HDAC9: variants seen among roughly 807,000 people sequenced by gnomAD.
HDAC9 encodes the protein MEF-2 interacting transcription repressor (MITR) protein.
In HDAC9, 41 loss-of-function variants were observed where a neutral mutation model predicts 139.4. The observed-to-expected ratio is 0.29, with a 90% CI of 0.23 to 0.38. The LOEUF is 0.38. Ranked by LOEUF, HDAC9 falls within the 10% of genes least tolerant of loss-of-function variation. The pLI is 1.00. For synonymous variants in HDAC9, 517 were observed against 476.2 expected, an observed-to-expected ratio of 1.09 and a Z score of -1.12; for missense variants, 1,147 against 1,297.0, an observed-to-expected ratio of 0.88 and a Z score of 1.78.
rs1258215733 is a variant in HDAC9, at chr7:18,617,675, T to C, written c.665-11675T>C. On this transcript the variant is annotated intron_variant, in intron 6 of 25. Transcript: ENST00000686413. ...TGTGCATATATCTCTATATTAAAAT[T>C]ACATTCTACTCAGTTGAGGAATCCT... Among the ~76,000 whole-genome samples, 3 of 152,162 alleles carry C rather than the reference T, an allele frequency of 2.0e-5. No individual in the cohort carries two copies. The East Asian group carries it at 5.8e-4, about 29-fold the overall frequency.
chr7:18,540,103 CAAAA>C (rs34620445), intron 2 of HDAC9, among the ~76,000 whole-genome samples: 62 of 58,436 alleles, frequency 1.1e-3, no homozygotes, highest in African/African-American at 3.9e-3. Context: ...ACTAAAAATA[CAAAA>C]AAAAAAAAAA....
intron 25 of HDAC9, among the ~76,000 whole-genome samples, chr7:18,987,662 C>G (rs1167405900): frequency 6.6e-6 from 1 of 152,044 alleles, no homozygotes; most frequent in South Asian, 2.1e-4. Context: ...CTCCTTGTAC[C>G]TCTGGTAGAA....
At chr7:18,809,134 C>T (rs1032098074) in intron 17 of HDAC9, among the ~76,000 whole-genome samples, 105 of 151,952 alleles carry the variant, frequency 6.9e-4, no homozygotes, top group African/African-American at 2.4e-3. Context: ...ACTGGATATC[C>T]ACATGGAATA....
chr7:18,760,670 C>T lies in HDAC9; in HGVS notation c.2044-1487C>T, dbSNP rs1055898895. Among the ~76,000 whole-genome samples the T allele has an allele frequency of 7.2e-5, 11 of 152,310 alleles. No homozygotes were observed. In the East Asian group the frequency reaches 9.6e-4, roughly 13 times the overall value. On this transcript the variant is annotated intron_variant, in intron 14 of 25. Transcript: ENST00000686413. ...TAAGTATTCATGAGTTTGTTCAGCA[C>T]GTCAAGGCAGTGTTAATGAGATTTT...
intron 12 of HDAC9, among the ~76,000 whole-genome samples, chr7:18,713,830 T>C (rs1031403060): frequency 2.6e-5 from 4 of 152,116 alleles, no homozygotes; most frequent in African/African-American, 9.7e-5. Flanking sequence ...GCATTGGTGA[T>C]GGATATCAGA....
chr7:18,378,382 T>C (rs1017207482), intron 1 of HDAC9, among the ~76,000 whole-genome samples: 4 of 152,010 alleles, frequency 2.6e-5, no homozygotes, highest in Non-Finnish European at 4.4e-5. Flanking sequence ...ATAAATTATA[T>C]AAAAAACTTT....
intron 22 of HDAC9, among the ~76,000 whole-genome samples, chr7:18,890,181 TATTA>T (rs1451491802): frequency 1.3e-5 from 2 of 152,228 alleles, no homozygotes; most frequent in Non-Finnish European, 2.9e-5. Context: ...TGTTAGCCAA[TATTA>T]GATAGTCTTA....
intron 1 of HDAC9, among the ~76,000 whole-genome samples, chr7:18,340,556 G>A (rs145318540): frequency 2.5e-3 from 372 of 151,366 alleles, no homozygotes; most frequent in African/African-American, 8.7e-3. Flanking sequence ...TGTTACTTCA[G>A]GATTTATAGT....
chr7:18,494,292 G>A (rs757375468), upstream of HDAC9, among the ~76,000 whole-genome samples: 29 of 152,018 alleles, frequency 1.9e-4, no homozygotes, highest in African/African-American at 7.0e-4. Context: ...TTTGATGAAT[G>A]ATTTAACGTG....
At chr7:18,474,595 C>G (rs1408927801) in intron 1 of HDAC9, among the ~76,000 whole-genome samples, 1 of 152,096 alleles carries the variant, frequency 6.6e-6, no homozygotes, top group East Asian at 1.9e-4. Flanking sequence ...ATTTTATGTT[C>G]TCAGAGCATT....
At chr7:18,685,177 C>T (rs932029137) in intron 12 of HDAC9, among the ~76,000 whole-genome samples, 1 of 152,010 alleles carries the variant, frequency 6.6e-6, no homozygotes, top group African/African-American at 2.4e-5. Context: ...AACAGCAGTT[C>T]TCTAGCTATG....
intron 2 of HDAC9, among the ~76,000 whole-genome samples, chr7:18,284,632 T>C (rs769920496): frequency 6.6e-6 from 1 of 152,144 alleles, no homozygotes; most frequent in Non-Finnish European, 1.5e-5. Context: ...ATGTGAGAAC[T>C]TGGCCGATTT....
chr7:18,235,743 C>A (rs1275550358), intron 2 of HDAC9, among the ~76,000 whole-genome samples: 1 of 152,002 alleles, frequency 6.6e-6, no homozygotes, highest in Non-Finnish European at 1.5e-5. Flanking sequence ...ATTTTGTAGT[C>A]GAGAAAATTG....
intron 16 of HDAC9, among the ~76,000 whole-genome samples, chr7:18,771,714 C>T (rs1790312075): frequency 1.3e-5 from 2 of 152,036 alleles, no homozygotes; most frequent in Admixed American, 1.3e-4. Context: ...AAATAGTATT[C>T]TAGTGGCAAG....
chr7:18,351,590 C>T (rs528433911), intron 1 of HDAC9, among the ~76,000 whole-genome samples: 40 of 152,242 alleles, frequency 2.6e-4, no homozygotes, highest in Admixed American at 7.2e-4. Flanking sequence ...GGAACCAGGA[C>T]GCTGAAGCTA....
chr7:18,192,556 G>T (rs1257596053), intron 2 of HDAC9, among the ~76,000 whole-genome samples: 2 of 152,088 alleles, frequency 1.3e-5, no homozygotes, highest in African/African-American at 4.8e-5. Context: ...TGTTGTAGGG[G>T]TTATATCATT....
intron 12 of HDAC9, among the ~76,000 whole-genome samples, chr7:18,701,701 A>T (rs1440165967): frequency 6.6e-6 from 1 of 152,230 alleles, no homozygotes; most frequent in Non-Finnish European, 1.5e-5. Context: ...TCATCTGTCA[A>T]TGTCATGCCT....
chr7:18,822,010 G>A (rs1275444455), intron 17 of HDAC9, among the ~76,000 whole-genome samples: 1 of 151,414 alleles, frequency 6.6e-6, no homozygotes, highest in Non-Finnish European at 1.5e-5. Flanking sequence ...GCCTCTCCAA[G>A]TGTGCCACCC....
At chr7:18,624,302 TTC>T (rs1301438603) in intron 6 of HDAC9, among the ~76,000 whole-genome samples, 1 of 152,200 alleles carries the variant, frequency 6.6e-6, no homozygotes, top group African/African-American at 2.4e-5. Flanking sequence ...TTCAGATATT[TTC>T]TGTTTCCTTT....
Sources: allele counts gnomAD v4.1 joint callset (sites outside exome capture counted in the v4.1 genomes callset), GRCh38; gene constraint gnomAD v4.1.1; transcripts MANE v1.5; gene names NCBI Gene and HGNC (gene_info 2026-07-23, HGNC 2026-07-21).